GPSM1: variants seen among roughly 807,000 people sequenced by gnomAD.
GPSM1 encodes the protein G protein-signaling modulator 1.
Under a neutral mutation model 70.5 loss-of-function variants are expected in GPSM1, and 48 were observed. The observed-to-expected ratio is 0.68, with a 90% CI of 0.54 to 0.87. The LOEUF is 0.87. Among genes scored for constraint, GPSM1 ranks in the 40% least tolerant of loss-of-function variants. The pLI, the probability that GPSM1 is intolerant of heterozygous loss-of-function variation, is 0.00. For synonymous variants in GPSM1, 416 were observed against 430.1 expected (o/e 0.97, Z 0.41); for missense variants, 981 against 972.6 (o/e 1.01, Z -0.11).
chr9:136,337,083 C>T lies in GPSM1; in HGVS notation c.578+11C>T. On this transcript the variant is annotated intron_variant, in intron 4 of 13. Transcript: ENST00000440944. ...CTCCGAGTTCTACGAGTGAGTGGGG[C>T]AGGGCCAGCCCAGGGACCGGGGCTG... is the stretch of plus-strand genomic sequence containing the variant. 1 of 1,547,398 alleles carries T rather than the reference C, an allele frequency of 6.5e-7. No homozygotes were observed. Among genetic ancestry groups the T allele is most frequent in the Non-Finnish European group, 8.7e-7 (1 of 1,145,550 alleles).
intron 8 of GPSM1, 130 bp downstream of exon 8, chr9:136,339,945 C>G: frequency 3.1e-6 from 2 of 646,164 alleles, no homozygotes; most frequent in Non-Finnish European, 5.5e-6. Flanking sequence ...ATTGCAGCTG[C>G]CTGGTCCTTC....
At position 136,356,440 on chromosome 9, in the gene GPSM1, G is replaced by A. The variant is rs781889905; in HGVS notation, c.1711G>A (p.Gly571Ser). Residue 571 changes from glycine (G) to serine (S), a missense_variant, in exon 13 of 14, where the codon GGC (glycine) becomes AGC (serine). Coordinates refer to ENST00000440944, the MANE Select transcript of GPSM1 (RefSeq NM_001145638.3). The stretch of plus-strand genomic sequence containing the variant: ...GCTGGACGACCAGCGGGCCAGCGTG[G>A]GCAGCCTGCCGGGGCTGCGAATCAC... ...RRLDDQRASVGSLPGLRITHS... is the reference protein window; with the variant it reads ...RRLDDQRASVSSLPGLRITHS... The A allele has an allele frequency of 4.3e-6, 7 of 1,610,880 alleles. No homozygotes were observed. In the South Asian group the frequency reaches 6.6e-5, roughly 15 times the overall value.
Position 136,343,660 on chromosome 9 carries a change from T to C in GPSM1, c.1207+2667T>C, listed in dbSNP as rs1355416603. Among the ~76,000 whole-genome samples, 3 of 152,224 alleles carry C rather than the reference T, an allele frequency of 2.0e-5. No homozygotes were observed. Among genetic ancestry groups the C allele is most frequent in the African/African-American group, 7.2e-5 (3 of 41,470 alleles). Reference sequence around the variant, plus strand: ...GCCCTGGCCAGCTGATCAAGTGACTTGACCCACTTGTGCCTCAGTGTCCCC... The same window carrying C: ...GCCCTGGCCAGCTGATCAAGTGACTCGACCCACTTGTGCCTCAGTGTCCCC... On this transcript the variant is annotated intron_variant, in intron 9 of 13. Transcript: ENST00000440944. The surrounding 1 kb of genome is among the most constrained non-coding windows in gnomAD (Gnocchi z 6.0).
Position 136,334,517 on chromosome 9 carries a change from G to A in GPSM1, c.139G>A (p.Gly47Ser). The A allele has an allele frequency of 1.2e-6, 2 of 1,613,412 alleles. No homozygotes were observed. Among genetic ancestry groups the A allele is most frequent in the Non-Finnish European group, 1.7e-6 (2 of 1,179,976 alleles). The change falls in exon 2 of 14, where the codon GGC (glycine) becomes AGC (serine). Residue 47 changes from glycine to serine, a missense_variant. Physicochemically the swap from Gly to Ser is moderately conservative, Grantham distance 56. Coordinates refer to ENST00000440944, the MANE Select transcript of GPSM1 (RefSeq NM_001145638.3). The stretch of plus-strand genomic sequence containing the variant: ...GTGCAAGGCGGGCGACTTCAAGACA[G>A]GCGTGGCCTTCTTTGAGGCTGCTGT... ...RLCKAGDFKTGVAFFEAAVQV... is the reference protein window; with the variant it reads ...RLCKAGDFKTSVAFFEAAVQV...
At chr9:136,331,837 T>G in intron 1 of GPSM1, 1 of 393,700 alleles carries the variant, frequency 2.5e-6, no homozygotes, top group Non-Finnish European at 4.5e-6. Flanking sequence ...CGTCAGGGAT[T>G]GGGGAGGCCC....
chr9:136,345,638 C>T (rs1206667278), intron 9 of GPSM1, among the ~76,000 whole-genome samples: 1 of 152,124 alleles, frequency 6.6e-6, no homozygotes, highest in African/African-American at 2.4e-5. Flanking sequence ...GGTGGGGAAA[C>T]CAACTTAGGC....
Position 136,337,896 on chromosome 9 carries a change from C to T in GPSM1, c.753C>T (p.Ala251=). ...EFGDKAAERR[A]YSNLGNAHVF... is the part of the protein sequence containing the mutation. Reference sequence around the variant, plus strand: ...GAGACAAGGCAGCCGAGAGGAGGGCCTACAGCAACCTGGGGAACGCCCACG... The same window carrying T: ...GAGACAAGGCAGCCGAGAGGAGGGCTTACAGCAACCTGGGGAACGCCCACG... Residue 251 remains alanine (A), a synonymous_variant, in exon 6 of 14, where the codon GCC becomes GCT. Transcript: ENST00000440944. 6.2e-7 allele frequency: 1 copy of T among 1,612,722 alleles called. No homozygotes were observed. The highest frequency in any genetic ancestry group is 8.5e-7 in the Non-Finnish European group (1 of 1,179,862).
Position 136,343,762 on chromosome 9 carries a change from G to A in GPSM1, c.1207+2769G>A, listed in dbSNP as rs1419177698. Among the ~76,000 whole-genome samples, 14 of 152,186 alleles carry A rather than the reference G, an allele frequency of 9.2e-5. No individual in the cohort carries two copies. Among genetic ancestry groups the A allele is most frequent in the African/African-American group, 2.9e-4 (12 of 41,444 alleles). ...GAGAGGCCAGCGAGCCTGAGGGCCC[G>A]TAAGCCTGTTGCGTTCGGGCCCTGG... On this transcript the variant is annotated intron_variant, in intron 9 of 13. Coordinates refer to ENST00000440944, the MANE Select transcript of GPSM1 (RefSeq NM_001145638.3). The surrounding 1 kb of genome is among the most constrained non-coding windows in gnomAD (Gnocchi z 6.0).
intron 12 of GPSM1, among the ~76,000 whole-genome samples, 168 bp downstream of exon 12, chr9:136,356,014 C>A (rs966396616): frequency 6.6e-6 from 1 of 152,142 alleles, no homozygotes; most frequent in Admixed American, 6.5e-5. Context: ...AGCAGCATCC[C>A]GGGAAGCGTG....
At chr9:136,356,145 G>A (rs1832814974) in intron 12 of GPSM1, among the ~76,000 whole-genome samples, 197 bp from the exon 13 acceptor site, 1 of 152,126 alleles carries the variant, frequency 6.6e-6, no homozygotes, top group East Asian at 1.9e-4. Context: ...AGCCCCTGAG[G>A]TGGGCGTGGG....
chr9:136,328,393 TG>T (rs1321049612), intron 1 of GPSM1, among the ~76,000 whole-genome samples: 1 of 152,106 alleles, frequency 6.6e-6, no homozygotes, highest in African/African-American at 2.4e-5. Flanking sequence ...GGCAGGTGCC[TG>T]GAGCCCCAAG....
chr9:136,331,858 G>A (rs1832108272), intron 1 of GPSM1: 1 of 396,214 alleles, frequency 2.5e-6, no homozygotes, highest in Non-Finnish European at 4.4e-6. Context: ...CCGAGCACCT[G>A]CTGGAGGACT....
At chr9:136,355,881 C>T (rs781805281) in intron 12 of GPSM1, 35 bp downstream of exon 12, 3 of 1,562,880 alleles carry the variant, frequency 1.9e-6, no homozygotes, top group African/African-American at 2.7e-5. Flanking sequence ...CTCCCTTGGG[C>T]TTGTCTGCAG....
intron 1 of GPSM1, among the ~76,000 whole-genome samples, chr9:136,328,209 G>A (rs980663575): frequency 3.9e-5 from 6 of 152,250 alleles, no homozygotes; most frequent in Non-Finnish European, 7.3e-5. Context: ...AGCCAGCCAG[G>A]TGGGTGTGTA....
intron 4 of GPSM1, 51 bp from the exon 5 acceptor site, chr9:136,337,390 G>T: frequency 6.4e-7 from 1 of 1,553,996 alleles, no homozygotes; most frequent in South Asian, 1.2e-5. Context: ...GCCTGGGGTG[G>T]GTGAGGACAT....
rs1018662293 is a variant in GPSM1 at position 136,340,781 on chromosome 9, G to A, written c.1084-89G>A. On this transcript the variant is annotated intron_variant, in intron 8 of 13. Transcript: ENST00000440944. This position sits in a 1 kb window ranked among gnomAD's most constrained non-coding sequence, Gnocchi z 7.3. ...TCAGGTCACTCAGAAGGTCAGGGACGGGTGTACTGGGGGCCATTAAGGTCC... is the reference window on the plus strand; with the variant it reads ...TCAGGTCACTCAGAAGGTCAGGGACAGGTGTACTGGGGGCCATTAAGGTCC... The A allele has an allele frequency of 4.1e-6, 6 of 1,464,608 alleles. No homozygotes were observed. The highest frequency in any genetic ancestry group is 2.8e-5 in the African/African-American group (2 of 70,962). 90.7% of individuals were successfully genotyped at this position (1,464,608 alleles called of 1,614,324 possible).
At position 136,337,581 on chromosome 9, in the gene GPSM1, G is replaced by T; in HGVS notation, c.702+17G>T. Reference sequence around the variant, plus strand: ...CACAAGGAGGTGAGCCGGGCAGGGTGACAGGGTGGAGGGGCCGGGCTGCTG... The same window carrying T: ...CACAAGGAGGTGAGCCGGGCAGGGTTACAGGGTGGAGGGGCCGGGCTGCTG... On this transcript the variant is annotated intron_variant, in intron 5 of 13. Transcript: ENST00000440944. 1 of 1,552,572 alleles carries T rather than the reference G, an allele frequency of 6.4e-7. No homozygotes were observed. Among genetic ancestry groups the T allele is most frequent in the South Asian group, 1.2e-5 (1 of 84,184 alleles).
At position 136,340,034 on chromosome 9, in the gene GPSM1, C is replaced by G. The variant is rs1412568479; in HGVS notation, c.1083+219C>G. 9.2e-5 allele frequency among the ~76,000 whole-genome samples: 14 copies of G among 152,222 alleles called. No individual in the cohort carries two copies. Among genetic ancestry groups the G allele is most frequent in the Non-Finnish European group, 1.9e-4 (13 of 68,036 alleles). On this transcript the variant is annotated intron_variant, in intron 8 of 13. Transcript: ENST00000440944. This position sits in a 1 kb window ranked among gnomAD's most constrained non-coding sequence, Gnocchi z 7.3. ...CAGCTGGTGCCTTCCTGGGCAGCTG[C>G]GTCTCCTCCTCCTTGGAGAGTTTGC... is the stretch of plus-strand genomic sequence containing the variant.
At chr9:136,350,924 G>A (rs1350766846) in intron 11 of GPSM1, among the ~76,000 whole-genome samples, 2 of 152,118 alleles carry the variant, frequency 1.3e-5, no homozygotes, top group African/African-American at 2.4e-5. Context: ...GTGACAGGCC[G>A]GGCCTGTGCC....
Sources: gnomAD v4.1 joint callset for allele counts (sites outside exome capture counted in the v4.1 genomes callset) on GRCh38, gnomAD v4.1.1 for gene constraint, Gnocchi (gnomAD v3.1) non-coding constraint, MANE v1.5 for transcripts, NCBI Gene and HGNC (gene_info 2026-07-23, HGNC 2026-07-21) for gene names.